The following EYS variants were observed in gnomAD, a reference collection of about 807,000 sequenced individuals.
The protein encoded by EYS is protein eyes shut homolog.
A neutral mutation model predicts 282.1 loss-of-function variants in EYS; 250 were observed. The ratio of observed to expected loss-of-function variants is 0.89; its 90% CI spans 0.80 to 0.98. The LOEUF is 0.98. Ranked by LOEUF, EYS falls within the 50% of genes least tolerant of loss-of-function variation. The pLI, the probability that EYS is intolerant of heterozygous loss-of-function variation, is 0.00. For synonymous variants in EYS, 1,355 were observed against 1,282.9 expected, an observed-to-expected ratio of 1.06 and a Z score of -1.20; for missense variants, 4,016 against 3,709.0, an observed-to-expected ratio of 1.08 and a Z score of -2.15.
At chr6:65,628,487 G>A (rs993282597) in intron 2 of EYS, among the ~76,000 whole-genome samples, 4 of 152,114 alleles carry the variant, frequency 2.6e-5, no homozygotes, top group African/African-American at 9.7e-5. Flanking sequence ...CAGTGTGGAA[G>A]CTTTGTTCTT....
At chr6:64,478,570 T>C (rs1242146953) in intron 26 of EYS, among the ~76,000 whole-genome samples, 1 of 151,282 alleles carries the variant, frequency 6.6e-6, no homozygotes, top group Admixed American at 6.6e-5. Flanking sequence ...TTACTTCTAT[T>C]TGATGACTGA....
intron 2 of EYS, among the ~76,000 whole-genome samples, chr6:65,620,822 T>C (rs1311538465): frequency 1.3e-5 from 2 of 152,190 alleles, no homozygotes; most frequent in Non-Finnish European, 2.9e-5. Flanking sequence ...CCAGTAGTCA[T>C]TCAGGATCAG....
At chr6:64,200,471 A>AT (rs973056116) in intron 31 of EYS, among the ~76,000 whole-genome samples, 1 of 152,160 alleles carries the variant, frequency 6.6e-6, no homozygotes, top group Non-Finnish European at 1.5e-5. Flanking sequence ...CAGTTAAAAA[A>AT]TTTTTATAAA....
chr6:65,494,764 G>C lies in EYS; in HGVS notation c.647C>G (p.Ala216Gly). 3.7e-6 allele frequency: 6 copies of C among 1,614,014 alleles called. No individual in the cohort carries two copies. The highest frequency in any genetic ancestry group is 5.1e-6 in the Non-Finnish European group (6 of 1,179,954). The change falls in exon 4 of 43, where the codon GCA becomes GGA. Residue 216 changes from alanine (A) to glycine (G), a missense_variant. Ala to Gly is a moderately conservative substitution (Grantham distance 60). Transcript: ENST00000503581. ...ATTTTTACATGGTTTAAAAGAACATGCATCAAGTTCCTGGCAGTATTTTCC... is the reference window on the plus strand; with the variant it reads ...ATTTTTACATGGTTTAAAAGAACATCCATCAAGTTCCTGGCAGTATTTTCC... ...FSGKYCQELD[A>G]CSFKPCKNNG...
intron 22 of EYS, among the ~76,000 whole-genome samples, chr6:64,736,032 T>C (rs1275729721): frequency 6.6e-6 from 1 of 152,070 alleles, no homozygotes; most frequent in Non-Finnish European, 1.5e-5. Flanking sequence ...ATTGGTTGTA[T>C]GCTCGAAAAT....
chr6:64,352,999 A>C (rs1376603942), intron 29 of EYS, among the ~76,000 whole-genome samples: 2 of 151,518 alleles, frequency 1.3e-5, no homozygotes, highest in East Asian at 3.9e-4. Flanking sequence ...AAATTGTGCT[A>C]TGGACTATAG....
In EYS at chr6:63,914,633, G is replaced by A. The variant is rs201215794; in HGVS notation, c.7056-50275C>T. Among the ~76,000 whole-genome samples the A allele has an allele frequency of 5.9e-5, 9 of 151,986 alleles. No homozygotes were observed. In the East Asian group the frequency reaches 1.2e-3, roughly 20 times the overall value. ...TGAGGCAGGAGAATCACCTGAACTC[G>A]GGAGGCAGAGATTCCAGTGAGCCAA... On this transcript the variant is annotated intron_variant, in intron 35 of 42. Coordinates refer to ENST00000503581, the MANE Select transcript of EYS (RefSeq NM_001142800.2).
chr6:65,364,271 A>G (rs1456241803), intron 8 of EYS, among the ~76,000 whole-genome samples: 1 of 150,154 alleles, frequency 6.7e-6, no homozygotes, highest in Admixed American at 6.8e-5. Flanking sequence ...TTTTTTTTCA[A>G]TTTATGGTAG....
At chr6:63,829,157 G>A (rs745981919) in intron 36 of EYS, among the ~76,000 whole-genome samples, 6 of 152,200 alleles carry the variant, frequency 3.9e-5, no homozygotes, top group African/African-American at 1.2e-4. Context: ...ACCTCTCAGC[G>A]TGAGCAATAC....
intron 26 of EYS, among the ~76,000 whole-genome samples, chr6:64,550,199 A>G (rs1363125170): frequency 2.0e-5 from 3 of 152,154 alleles, no homozygotes; most frequent in Non-Finnish European, 4.4e-5. Context: ...ATAAACATAC[A>G]TGTGCATGTG....
chr6:64,487,008 T>C (rs1776594961), intron 26 of EYS, among the ~76,000 whole-genome samples: 1 of 151,404 alleles, frequency 6.6e-6, no homozygotes, highest in Non-Finnish European at 1.5e-5. Flanking sequence ...TTCAGAATAT[T>C]GGTCCAAGCT....
At chr6:64,206,301 G>A (rs1446948959) in intron 31 of EYS, among the ~76,000 whole-genome samples, 1 of 151,998 alleles carries the variant, frequency 6.6e-6, no homozygotes, top group Admixed American at 6.6e-5. Flanking sequence ...GACTCTTCAC[G>A]TTTTGTTCCA....
At chr6:65,524,441 C>T (rs1363118854) in intron 2 of EYS, among the ~76,000 whole-genome samples, 1 of 152,114 alleles carries the variant, frequency 6.6e-6, no homozygotes, top group Non-Finnish European at 1.5e-5. Flanking sequence ...TGAGTGGTAC[C>T]ACTTTCATTT....
At chr6:65,427,538 T>C (rs1047708132) in intron 5 of EYS, among the ~76,000 whole-genome samples, 22 of 152,170 alleles carry the variant, frequency 1.4e-4, no homozygotes, top group Admixed American at 9.8e-4. Context: ...AAAATAAATA[T>C]GTACATAAAA....
chr6:65,190,152 G>A (rs1432969346), intron 12 of EYS, among the ~76,000 whole-genome samples: 1 of 151,064 alleles, frequency 6.6e-6, no homozygotes, highest in Non-Finnish European at 1.5e-5. Flanking sequence ...TCATATACAA[G>A]CATTATAACT....
chr6:65,384,950 G>A (rs768087034), intron 7 of EYS, among the ~76,000 whole-genome samples: 3 of 151,772 alleles, frequency 2.0e-5, no homozygotes, highest in South Asian at 2.1e-4. Context: ...TTATAGTTGG[G>A]CTACTTATAG....
At chr6:64,159,194 T>A in intron 31 of EYS, among the ~76,000 whole-genome samples, 1 of 152,208 alleles carries the variant, frequency 6.6e-6, no homozygotes, top group East Asian at 1.9e-4. Context: ...CTCCAGATTA[T>A]AATACCTAAT....
intron 26 of EYS, among the ~76,000 whole-genome samples, chr6:64,511,289 G>T: frequency 8.1e-6 from 1 of 122,794 alleles, no homozygotes; most frequent in Middle Eastern, 3.8e-3. Flanking sequence ...TGATATATAT[G>T]TTTATATTTA....
rs1764598962 is a variant in EYS at position 64,538,514 on chromosome 6, C to A, written c.5644+51709G>T. Among the ~76,000 whole-genome samples, 3 of 152,202 alleles carry A rather than the reference C, an allele frequency of 2.0e-5. No homozygotes were observed. In the South Asian group the frequency reaches 6.2e-4, roughly 32 times the overall value. On this transcript the variant is annotated intron_variant, in intron 26 of 42. Transcript: ENST00000503581. ...TTTCATAATATCTATGCCCTTAAAT[C>A]ATTTTCTGTATGCTTATTTGAGATT...
Sources: gnomAD v4.1 joint callset for allele counts (sites outside exome capture counted in the v4.1 genomes callset) on GRCh38, gnomAD v4.1.1 for gene constraint, MANE v1.5 for transcripts, NCBI Gene and HGNC (gene_info 2026-07-23, HGNC 2026-07-21) for gene names.